Variants in DEPTOR observed in about 807,000 individuals in gnomAD.
DEPTOR encodes the protein DEP domain containing MTOR interacting protein.
A neutral mutation model predicts 41.6 loss-of-function variants in DEPTOR; 41 were observed. The ratio of observed to expected loss-of-function variants is 0.98; its 90% confidence interval spans 0.77 to 1.28. The LOEUF is 1.28. Among genes scored for constraint, DEPTOR ranks in the 50% most tolerant of loss-of-function variants. DEPTOR has a pLI of 0.00. For synonymous variants in DEPTOR, 195 were observed against 192.3 expected (o/e 1.01, Z -0.12); for missense variants, 514 against 527.9 (o/e 0.97, Z 0.26).
intron 8 of DEPTOR, among the ~76,000 whole-genome samples, chr8:120,029,209 AC>A (rs1305242120): frequency 6.6e-6 from 1 of 152,106 alleles, no homozygotes; most frequent in African/African-American, 2.4e-5. Flanking sequence ...CATGTACCAT[AC>A]CTAGTGAAGG....
intron 1 of DEPTOR, among the ~76,000 whole-genome samples, chr8:119,897,069 A>T (rs1008865546): frequency 1.3e-5 from 2 of 152,190 alleles, no homozygotes; most frequent in African/African-American, 4.8e-5. Context: ...ACTATGGATT[A>T]TAATTAACTA....
chr8:119,959,653 C>G (rs986719973), intron 3 of DEPTOR, among the ~76,000 whole-genome samples: 9 of 151,840 alleles, frequency 5.9e-5, no homozygotes, highest in Admixed American at 6.6e-5. Flanking sequence ...CAGCCTCCCA[C>G]CACAGTAGCT....
At chr8:119,931,958 G>GATTATTATTATT (rs58758138) in intron 3 of DEPTOR, among the ~76,000 whole-genome samples, 45 of 142,688 alleles carry the variant, frequency 3.2e-4, no homozygotes, top group African/African-American at 6.7e-4. Flanking sequence ...AATTAAAAAA[G>GATTATTATTATT]ATTATTATTA....
intron 1 of DEPTOR, among the ~76,000 whole-genome samples, chr8:119,906,989 G>T (rs765698708): frequency 6.6e-5 from 10 of 152,106 alleles, no homozygotes; most frequent in Non-Finnish European, 1.5e-4. Flanking sequence ...CTGTCAACAT[G>T]GTAAATAGCC....
chr8:119,932,472 G>A (rs1263258448), intron 3 of DEPTOR, among the ~76,000 whole-genome samples: 1 of 152,208 alleles, frequency 6.6e-6, no homozygotes, highest in Non-Finnish European at 1.5e-5. Flanking sequence ...CCAGCCTCAT[G>A]TTCTGTTGGA....
intron 3 of DEPTOR, among the ~76,000 whole-genome samples, chr8:119,964,105 C>T (rs1327133869): frequency 6.6e-6 from 1 of 152,132 alleles, no homozygotes; most frequent in Non-Finnish European, 1.5e-5. Context: ...TCCCTTTTGT[C>T]TGTTTTGATA....
At chr8:119,910,994 A>AT (rs1286999376) in intron 1 of DEPTOR, among the ~76,000 whole-genome samples, 1 of 151,832 alleles carries the variant, frequency 6.6e-6, no homozygotes, top group Non-Finnish European at 1.5e-5. Context: ...TGCGTCTGAG[A>AT]TTTTCAGTAT....
chr8:119,928,603 G>A, intron 2 of DEPTOR, 25 bp downstream of exon 2: 1 of 1,604,670 alleles, frequency 6.2e-7, no homozygotes, highest in Non-Finnish European at 8.5e-7. Context: ...GAGTCAAGGT[G>A]ACTTGAGAGA....
chr8:119,882,831 ACTTT>A (rs1341731057), intron 1 of DEPTOR, among the ~76,000 whole-genome samples: 1 of 152,146 alleles, frequency 6.6e-6, no homozygotes, highest in Non-Finnish European at 1.5e-5. Context: ...AATCGGTCCT[ACTTT>A]CTACACGGTA....
rs191779864 is a variant in DEPTOR, at chr8:120,043,088, T to A, written c.1102-6488T>A. Reference sequence around the variant, plus strand: ...CTGGTCTAGAACTCTTCTTTTTTTTTAAAATTTTTTATTTATATAGGTAAT... The same window carrying A: ...CTGGTCTAGAACTCTTCTTTTTTTTAAAAATTTTTTATTTATATAGGTAAT... On this transcript the variant is annotated intron_variant, in intron 8 of 8. Transcript: ENST00000286234. Among the ~76,000 whole-genome samples the A allele has an allele frequency of 4.2e-3, 630 of 151,734 alleles. 1 individual carries two copies. The highest frequency in any genetic ancestry group is 0.01 in the African/African-American group (419 of 41,374).
intron 6 of DEPTOR, among the ~76,000 whole-genome samples, chr8:120,005,214 T>G (rs186814432): frequency 6.6e-6 from 1 of 152,294 alleles, no homozygotes; most frequent in African/African-American, 2.4e-5. Flanking sequence ...AAAAAAGATC[T>G]CAGTCCTCAA....
chr8:119,980,780 A>AGTGCT (rs534417228), intron 4 of DEPTOR, among the ~76,000 whole-genome samples: 182 of 152,142 alleles, frequency 1.2e-3, no homozygotes, highest in African/African-American at 4.1e-3. Flanking sequence ...GGCCTTCCAA[A>AGTGCT]GTGCTGGGAT....
At chr8:119,972,244 C>G (rs577273770) in intron 4 of DEPTOR, among the ~76,000 whole-genome samples, 1 of 152,310 alleles carries the variant, frequency 6.6e-6, no homozygotes, top group Admixed American at 6.5e-5. Flanking sequence ...TATATCCCAG[C>G]CACTGTTCTA....
At chr8:119,915,822 T>A (rs940216944) in intron 1 of DEPTOR, among the ~76,000 whole-genome samples, 3 of 152,110 alleles carry the variant, frequency 2.0e-5, no homozygotes, top group African/African-American at 4.8e-5. Context: ...ACCTGGACTT[T>A]TCTCTGCTTT....
In DEPTOR at chr8:119,928,522, G is replaced by C; in HGVS notation, c.245G>C (p.Arg82Thr). 1 of 1,614,210 alleles carries C rather than the reference G, an allele frequency of 6.2e-7. No individual in the cohort carries two copies. Among genetic ancestry groups the C allele is most frequent in the Middle Eastern group, 1.6e-4 (1 of 6,062 alleles). The change falls in exon 2 of 9, where the codon AGA becomes ACA. Residue 82 changes from arginine (R) to threonine (T), a missense_variant. By Grantham distance (71) the Arg-to-Thr change is moderately conservative. Transcript: ENST00000286234. ...ATTGAACACAAAGAGGCTTCTGACAGAGAGACGGCAATTAAACTCATGCAG... is the reference window on the plus strand; with the variant it reads ...ATTGAACACAAAGAGGCTTCTGACACAGAGACGGCAATTAAACTCATGCAG... ...WLIEHKEASD[R>T]ETAIKLMQKL...
At chr8:119,977,312 T>G (rs1828709329) in intron 4 of DEPTOR, among the ~76,000 whole-genome samples, 1 of 151,952 alleles carries the variant, frequency 6.6e-6, no homozygotes, top group Non-Finnish European at 1.5e-5. Flanking sequence ...CATGTCTCTG[T>G]TTTTTTTAGA....
chr8:120,008,636 A>G (rs1201870010), intron 7 of DEPTOR, among the ~76,000 whole-genome samples: 1 of 151,996 alleles, frequency 6.6e-6, no homozygotes, highest in Non-Finnish European at 1.5e-5. Context: ...TCATTTGGAT[A>G]CTGGGGAAAA....
At chr8:119,904,965 CTTTTT>C (rs71304920) in intron 1 of DEPTOR, among the ~76,000 whole-genome samples, 31 of 85,970 alleles carry the variant, frequency 3.6e-4, no homozygotes, top group African/African-American at 1.3e-3. Context: ...CTAATTTTTG[CTTTTT>C]TTTTTTTTTT....
At chr8:119,953,455 C>A (rs770201066) in intron 3 of DEPTOR, among the ~76,000 whole-genome samples, 1 of 151,950 alleles carries the variant, frequency 6.6e-6, no homozygotes, top group Non-Finnish European at 1.5e-5. Flanking sequence ...TGGTGGCACA[C>A]GCCTATAATC....
Sources: allele counts gnomAD v4.1 joint callset (sites outside exome capture counted in the v4.1 genomes callset), GRCh38; gene constraint gnomAD v4.1.1; transcripts MANE v1.5; gene names NCBI Gene and HGNC (gene_info 2026-07-23, HGNC 2026-07-21).